PCNT: variants seen among roughly 807,000 people sequenced by gnomAD.
PCNT encodes the protein kendrin.
PCNT carries 319 observed loss-of-function variants against 380.4 expected under a neutral mutation model. The observed-to-expected ratio is 0.84, with a 90% CI of 0.77 to 0.92. PCNT has a LOEUF of 0.92. PCNT is among the 40% of genes least tolerant of loss of function. The pLI, the probability that PCNT is intolerant of heterozygous loss-of-function variation, is 0.00. For missense variants in PCNT, 4,400 were observed against 4,255.3 expected (o/e 1.03, Z -0.95); for synonymous variants, 1,845 against 1,735.2 (o/e 1.06, Z -1.57).
intron 25 of PCNT, 99 bp downstream of exon 25, chr21:46,399,895 C>T: frequency 1.0e-6 from 1 of 958,416 alleles, no homozygotes; most frequent in East Asian, 2.4e-5. Flanking sequence ...CGTCCTTCTT[C>T]ACTGGCAGCC....
intron 1 of PCNT, among the ~76,000 whole-genome samples, chr21:46,326,173 T>C (rs1190612417): frequency 6.6e-6 from 1 of 152,250 alleles, no homozygotes. Flanking sequence ...CCAGGCATAA[T>C]TAGCAGTCCT....
chr21:46,373,778 G>GGAGT (rs2085240170), intron 15 of PCNT, among the ~76,000 whole-genome samples: 1 of 134,448 alleles, frequency 7.4e-6, no homozygotes, highest in Admixed American at 8.7e-5. Flanking sequence ...TCGCCAGGCT[G>GGAGT]GAGTGCAGTG....
At chr21:46,402,616 G>C (rs2086466283) in intron 27 of PCNT, 133 bp downstream of exon 27, 1 of 906,774 alleles carries the variant, frequency 1.1e-6, no homozygotes, top group Non-Finnish European at 1.8e-6. Context: ...GTGGCAGACA[G>C]TGCAGAGAGC....
chr21:46,343,482 GT>G (rs1287505274), intron 3 of PCNT, among the ~76,000 whole-genome samples: 1 of 152,094 alleles, frequency 6.6e-6, no homozygotes, highest in African/African-American at 2.4e-5. Context: ...TGAAACCCAA[GT>G]GTATTATCTT....
At position 46,436,469 on chromosome 21, in the gene PCNT, G is replaced by GCCCCCCCCCCCCCCCCCCC. The variant is rs769557050; in HGVS notation, c.8996+321_8996+322insCCCCCCCCCCCCCCCCCCC. Among the ~76,000 whole-genome samples, 18 of 39,988 alleles carry GCCCCCCCCCCCCCCCCCCC rather than the reference G, an allele frequency of 4.5e-4. 8 individuals are homozygous for GCCCCCCCCCCCCCCCCCCC. The highest frequency in any genetic ancestry group is 7.0e-4 in the Non-Finnish European group (12 of 17,226). The allele number at this position is 39,988 out of a possible 152,430, so 26.2% of individuals were successfully genotyped here. On this transcript the variant is annotated intron_variant, in intron 39 of 46. Transcript: ENST00000359568. ...CAGGGTCGGGTTTGGAGCCTCCTGT[G>GCCCCCCCCCCCCCCCCCCC]GCCCCCCCCCCCCCCCCCCGCTGGC...
At chr21:46,424,364 A>T (rs796994206) in intron 32 of PCNT, among the ~76,000 whole-genome samples, 41 of 152,264 alleles carry the variant, frequency 2.7e-4, no homozygotes, top group African/African-American at 9.4e-4. Flanking sequence ...CCTGGTCCTG[A>T]GTGTGGAGAT....
In PCNT at chr21:46,334,546, A is replaced by C. The variant is rs569084106; in HGVS notation, c.417A>C (p.Pro139=). The C allele has an allele frequency of 2.5e-6, 4 of 1,599,596 alleles. No individual in the cohort carries two copies. The South Asian group carries it at 4.4e-5, about 18-fold the overall frequency. The change falls in exon 3 of 47, where the codon CCA becomes CCC. Residue 139 remains proline (P), a synonymous_variant. Transcript: ENST00000359568. The stretch of plus-strand genomic sequence containing the variant: ...GGATGTTCACAGTCGGTGACCACCC[A>C]CCAGAACAGCGTGGGATGTTCACAG... ...QHGMFTVGDH[P]PEQRGMFTVS...
chr21:46,372,142 CAT>C (rs1358760448), intron 15 of PCNT, among the ~76,000 whole-genome samples: 2 of 149,798 alleles, frequency 1.3e-5, no homozygotes, highest in South Asian at 2.1e-4. Flanking sequence ...ACTCACAGCA[CAT>C]GTGCCCATAC....
At chr21:46,331,886 G>A (rs886859636) in intron 2 of PCNT, among the ~76,000 whole-genome samples, 3 of 152,204 alleles carry the variant, frequency 2.0e-5, no homozygotes, top group Non-Finnish European at 2.9e-5. Context: ...CTGGCGGGAC[G>A]CATTGGCTCA....
chr21:46,442,569 C>A lies in PCNT; in HGVS notation c.9696C>A (p.Arg3232=). 6.2e-7 allele frequency: 1 copy of A among 1,600,006 alleles called. No individual in the cohort carries two copies. Among genetic ancestry groups the A allele is most frequent in the Non-Finnish European group, 8.6e-7 (1 of 1,167,264 alleles). Residue 3232 remains arginine (R), a synonymous_variant, in exon 44 of 47, where the codon CGC becomes CGA. Coordinates refer to ENST00000359568, the MANE Select transcript of PCNT (RefSeq NM_006031.6). ...KGALAQGKAP[R]PGPRARQPQS... ...CTCTGGCACAAGGCAAAGCCCCTCG[C>A]CCAGGTGGGACTCCAGCTGCTGTTG... is the stretch of plus-strand genomic sequence containing the variant.
Position 46,391,183 on chromosome 21 carries a change from G to A in PCNT, c.4023G>A (p.Lys1341=). The A allele has an allele frequency of 6.2e-7, 1 of 1,604,742 alleles. No homozygotes were observed. The highest frequency in any genetic ancestry group is 8.5e-7 in the Non-Finnish European group (1 of 1,175,960). The change falls in exon 21 of 47, where the codon AAG becomes AAA. Residue 1341 remains lysine, a synonymous_variant. Transcript: ENST00000359568. ...ACAAAGGTACCCTTGAGGGATTCAA[G>A]GTGGAGACAGCAGATCTGAAGGAGG... is the stretch of plus-strand genomic sequence containing the variant. The part of the protein sequence containing the change: ...HKTQGTLEGF[K]VETADLKEVL...
chr21:46,374,393 C>T (rs1481778878), intron 15 of PCNT, among the ~76,000 whole-genome samples: 1 of 152,234 alleles, frequency 6.6e-6, no homozygotes. Context: ...TTCTGGCTGG[C>T]TCACATCAGG....
intron 32 of PCNT, 131 bp downstream of exon 32, chr21:46,422,255 A>G (rs1312668373): frequency 3.4e-6 from 4 of 1,168,238 alleles, no homozygotes; most frequent in East Asian, 2.6e-5. Context: ...GAGCACCTGC[A>G]TTTTAATGAC....
At chr21:46,374,345 C>G (rs533137664) in intron 15 of PCNT, among the ~76,000 whole-genome samples, 2 of 152,154 alleles carry the variant, frequency 1.3e-5, no homozygotes, top group Non-Finnish European at 1.5e-5. Context: ...ACAGCGATCC[C>G]TGCATTTCAT....
chr21:46,348,203 TG>T (rs2146574138), intron 6 of PCNT: 1 of 167,398 alleles, frequency 6.0e-6, no homozygotes, highest in African/African-American at 2.4e-5. Context: ...CATTGGCCCC[TG>T]GGACTTATAG....
intron 13 of PCNT, among the ~76,000 whole-genome samples, chr21:46,358,275 G>C (rs2084552543): frequency 6.6e-6 from 1 of 152,234 alleles, no homozygotes; most frequent in South Asian, 2.1e-4. Flanking sequence ...CCTCATGCTT[G>C]TGACAGTGTT....
intron 11 of PCNT, 144 bp downstream of exon 11, chr21:46,354,212 C>T: frequency 1.3e-6 from 1 of 765,964 alleles, no homozygotes; most frequent in Admixed American, 2.0e-5. Flanking sequence ...GCCCCGACCT[C>T]ACTGCTGCTC....
At chr21:46,404,467 AG>A (rs1188358956) in intron 27 of PCNT, among the ~76,000 whole-genome samples, 3 of 152,220 alleles carry the variant, frequency 2.0e-5, no homozygotes, top group African/African-American at 7.2e-5. Context: ...TAGGCACCGC[AG>A]GTTTACCTCG....
Position 46,390,851 on chromosome 21 carries a change from C to T in PCNT, c.4003+19C>T, listed in dbSNP as rs1048088711. On this transcript the variant is annotated intron_variant, in intron 20 of 46. Transcript: ENST00000359568. Reference sequence around the variant, plus strand: ...ACTCAGGGTGAGCAGCATGAGGCCTCGGGGCACCTGGAGCACAGGCACGGG... The same window carrying T: ...ACTCAGGGTGAGCAGCATGAGGCCTTGGGGCACCTGGAGCACAGGCACGGG... 16 of 1,602,700 alleles carry T rather than the reference C, an allele frequency of 1.0e-5. No individual in the cohort carries two copies. The highest frequency in any genetic ancestry group is 1.3e-5 in the African/African-American group (1 of 74,716).
Sources: allele counts gnomAD v4.1 joint callset (sites outside exome capture counted in the v4.1 genomes callset), GRCh38; gene constraint gnomAD v4.1.1; transcripts MANE v1.5; gene names NCBI Gene and HGNC (gene_info 2026-07-23, HGNC 2026-07-21).